FMR1NB: variants seen among roughly 807,000 people sequenced by gnomAD.
The protein encoded by FMR1NB is FMR1 neighbor.
A neutral mutation model predicts 16.8 loss-of-function variants in FMR1NB; 10 were observed. The observed-to-expected ratio is 0.60, with a 90% CI of 0.37 to 1.01. The LOEUF (loss-of-function observed/expected upper bound fraction) is 1.01. FMR1NB is among the 50% of genes least tolerant of loss of function. The pLI, the probability that FMR1NB is intolerant of heterozygous loss-of-function variation, is 0.01. For missense variants in FMR1NB, 205 were observed against 204.8 expected (o/e 1.00, Z 0.00); for synonymous variants, 83 against 79.1 (o/e 1.05, Z -0.26).
At chrX:148,018,072 G>A (rs1175626339) in intron 4 of FMR1NB, among the ~76,000 whole-genome samples, 1 of 108,248 alleles carries the variant, frequency 9.2e-6, no homozygotes, top group Non-Finnish European at 1.9e-5. Context: ...GGATGGCTGG[G>A]TCAAATGGTA....
intron 2 of FMR1NB, among the ~76,000 whole-genome samples, chrX:148,005,462 C>T (rs932707454): frequency 3.6e-5 from 4 of 110,945 alleles, no homozygotes; most frequent in Admixed American, 1.9e-4. Context: ...GCAATCCAAC[C>T]TAGGGGAGAA....
chrX:148,008,758 G>A, intron 4 of FMR1NB, 47 bp downstream of exon 4: 2 of 1,020,701 alleles, frequency 2.0e-6, no homozygotes, highest in African/African-American at 1.8e-5. Context: ...GTATACATGA[G>A]TATTTGTGTA....
At chrX:148,026,467 A>G (rs991316623) in intron 5 of FMR1NB, 35 bp from the exon 6 acceptor site, 3 of 111,468 alleles carry the variant, frequency 2.7e-5, no homozygotes, top group African/African-American at 9.8e-5. Context: ...CAGCCTTTTC[A>G]AGTTGTTTAA....
At chrX:147,994,351 T>C (rs1431294641) in intron 1 of FMR1NB, among the ~76,000 whole-genome samples, 1 of 112,592 alleles carries the variant, frequency 8.9e-6, no homozygotes, top group African/African-American at 3.2e-5. Context: ...AAATTCATAA[T>C]TAAATAAAGT....
At chrX:148,024,320 A>T (rs2044693210) in intron 4 of FMR1NB, among the ~76,000 whole-genome samples, 1 of 112,089 alleles carries the variant, frequency 8.9e-6, no homozygotes, top group African/African-American at 3.2e-5. Flanking sequence ...GAAAGTATAT[A>T]AAGCACTTAG....
At chrX:148,014,199 G>A (rs1373915280) in intron 4 of FMR1NB, among the ~76,000 whole-genome samples, 6 of 111,099 alleles carry the variant, frequency 5.4e-5, no homozygotes, top group African/African-American at 1.6e-4. Flanking sequence ...AGATGGGGCC[G>A]CAAGTGGGGC....
intron 1 of FMR1NB, among the ~76,000 whole-genome samples, chrX:147,992,161 A>G (rs1244484972): frequency 9.2e-6 from 1 of 109,169 alleles, no homozygotes; most frequent in Non-Finnish European, 1.9e-5. Flanking sequence ...CCCGTTCTCA[A>G]TGAGCTGTTG....
chrX:148,009,377 A>T (rs1204068704), intron 4 of FMR1NB, among the ~76,000 whole-genome samples: 1 of 111,004 alleles, frequency 9.0e-6, no homozygotes, highest in Non-Finnish European at 1.9e-5. Context: ...CCATTGAGTC[A>T]TCTGCCATTG....
chrX:147,985,353 G>A (rs1390593489), intron 1 of FMR1NB, among the ~76,000 whole-genome samples: 1 of 111,360 alleles, frequency 9.0e-6, no homozygotes, highest in East Asian at 2.8e-4. Context: ...TGGGATACAT[G>A]TGCAGAACGT....
intron 1 of FMR1NB, among the ~76,000 whole-genome samples, chrX:147,986,497 T>C (rs1302485628): frequency 8.9e-6 from 1 of 112,143 alleles, no homozygotes; most frequent in Admixed American, 9.4e-5. Context: ...TACTTTTGCA[T>C]AAGGTGTAAG....
At chrX:148,025,161 T>A (rs1417236380) in intron 5 of FMR1NB, 148 bp downstream of exon 5, 11 of 606,946 alleles carry the variant, frequency 1.8e-5, no homozygotes, top group South Asian at 3.4e-5. Context: ...TGAACAAATA[T>A]TTATCACTAG....
rs201639227 is a variant in FMR1NB at position 148,024,500 on chromosome X, A to G, written c.633-365A>G. Reference sequence around the variant, plus strand: ...CCATTACTGTGTAGATTTGAAGTTCATAGGAGGAAGGAATCCCTCTAAACT... The same window carrying G: ...CCATTACTGTGTAGATTTGAAGTTCGTAGGAGGAAGGAATCCCTCTAAACT... On this transcript the variant is annotated intron_variant, in intron 4 of 5. Transcript: ENST00000370467. Among the ~76,000 whole-genome samples the G allele has an allele frequency of 1.1e-4, 12 of 110,341 alleles. No individual in the cohort carries two copies. In the East Asian group the frequency reaches 3.2e-3, roughly 29 times the overall value.
chrX:148,004,477 A>T (rs6626974), intron 2 of FMR1NB, among the ~76,000 whole-genome samples: 10,179 of 112,241 alleles, frequency 0.091, 407 homozygotes, highest in African/African-American at 0.14. Flanking sequence ...GTCCAACAAA[A>T]TAAAATTGTT....
intron 5 of FMR1NB, 110 bp downstream of exon 5, chrX:148,025,123 A>G (rs2044697457): frequency 1.2e-6 from 1 of 867,490 alleles, no homozygotes; most frequent in African/African-American, 2.0e-5. Flanking sequence ...AACCACACAA[A>G]TGTTTGGATC....
At chrX:148,006,416 T>C (rs781967801) in intron 2 of FMR1NB, among the ~76,000 whole-genome samples, 5 of 112,157 alleles carry the variant, frequency 4.5e-5, no homozygotes, top group Non-Finnish European at 9.4e-5. Context: ...GTGTTATATT[T>C]GCATCATCAC....
chrX:147,996,272 A>G (rs782196072), intron 1 of FMR1NB, among the ~76,000 whole-genome samples: 1 of 112,146 alleles, frequency 8.9e-6, no homozygotes, highest in Non-Finnish European at 1.9e-5. Flanking sequence ...TTTGCATTGT[A>G]TTAAGCCCTT....
chrX:148,024,561 A>G (rs991377686), intron 4 of FMR1NB, among the ~76,000 whole-genome samples: 11 of 112,013 alleles, frequency 9.8e-5, no homozygotes, highest in Non-Finnish European at 1.1e-4. Context: ...ACAAGATAAT[A>G]TCTAAACTTA....
At chrX:147,983,863 C>T (rs781852337) in intron 1 of FMR1NB, among the ~76,000 whole-genome samples, 2 of 111,787 alleles carry the variant, frequency 1.8e-5, no homozygotes, top group African/African-American at 6.5e-5. Context: ...ACGGTTTTAA[C>T]TCTCATATTC....
At chrX:147,999,393 A>T (rs782203685) in intron 1 of FMR1NB, among the ~76,000 whole-genome samples, 30 of 111,990 alleles carry the variant, frequency 2.7e-4, no homozygotes, top group Middle Eastern at 4.6e-3. Context: ...GGTCCCTTCC[A>T]TCTGTAGCTC....
Sources: gnomAD v4.1 joint callset for allele counts (sites outside exome capture counted in the v4.1 genomes callset) on GRCh38, gnomAD v4.1.1 for gene constraint, MANE v1.5 for transcripts, NCBI Gene and HGNC (gene_info 2026-07-23, HGNC 2026-07-21) for gene names.